Variants in CADM2 observed in about 807,000 individuals in gnomAD.
CADM2 encodes the protein cell adhesion molecule 2.
CADM2 carries 12 observed loss-of-function variants against 49.8 expected under a neutral mutation model. That is an observed-to-expected ratio of 0.24 (90% CI 0.15 to 0.39). CADM2 has a LOEUF of 0.39. Among genes scored for constraint, CADM2 ranks in the 10% least tolerant of loss-of-function variants. The pLI is 1.00. For missense variants in CADM2, 378 were observed against 492.3 expected (o/e 0.77, Z 2.20); for synonymous variants, 214 against 175.4 (o/e 1.22, Z -1.74).
At chr3:85,852,806 C>A (rs1439660766) in intron 3 of CADM2, among the ~76,000 whole-genome samples, 5 of 151,980 alleles carry the variant, frequency 3.3e-5, no homozygotes, top group Admixed American at 6.5e-5. Flanking sequence ...TACTTATTTG[C>A]TTACAGATGA....
At chr3:85,511,107 T>C (rs184204513) in intron 1 of CADM2, among the ~76,000 whole-genome samples, 46 of 152,196 alleles carry the variant, frequency 3.0e-4, no homozygotes, top group African/African-American at 1.1e-3. Context: ...CACACTTCAG[T>C]TGATGTAAAC....
At chr3:85,506,461 T>TCAA (rs2040356412) in intron 1 of CADM2, among the ~76,000 whole-genome samples, 2 of 152,250 alleles carry the variant, frequency 1.3e-5, no homozygotes, top group African/African-American at 4.8e-5. Flanking sequence ...CAATAACATG[T>TCAA]TAAAATTCAG....
intron 1 of CADM2, among the ~76,000 whole-genome samples, chr3:85,426,901 G>T (rs2036432197): frequency 6.6e-6 from 1 of 151,710 alleles, no homozygotes; most frequent in Non-Finnish European, 1.5e-5. Flanking sequence ...ATATATTTGA[G>T]ACTGAGTCTT....
At chr3:85,593,035 A>G (rs1017505165) in intron 1 of CADM2, among the ~76,000 whole-genome samples, 1 of 151,920 alleles carries the variant, frequency 6.6e-6, no homozygotes, top group African/African-American at 2.4e-5. Context: ...GTGCTTTCCC[A>G]GTGGCCAGTG....
At chr3:85,598,902 A>G (rs1021455294) in intron 1 of CADM2, among the ~76,000 whole-genome samples, 1 of 151,768 alleles carries the variant, frequency 6.6e-6, no homozygotes, top group Non-Finnish European at 1.5e-5. Flanking sequence ...AGACATATAT[A>G]TCTTTTAGTC....
intron 2 of CADM2, among the ~76,000 whole-genome samples, chr3:85,783,766 T>C (rs891452718): frequency 3.9e-5 from 6 of 152,210 alleles, no homozygotes; most frequent in Non-Finnish European, 5.9e-5. Flanking sequence ...TTATCATTAA[T>C]TAGGTCGTTT....
chr3:86,047,722 A>G (rs1202285344), intron 8 of CADM2, among the ~76,000 whole-genome samples: 3 of 152,202 alleles, frequency 2.0e-5, no homozygotes, highest in Non-Finnish European at 4.4e-5. Flanking sequence ...AGTAAAGTAG[A>G]ATATAAAGTT....
intron 1 of CADM2, among the ~76,000 whole-genome samples, chr3:85,173,338 T>A (rs2040686770): frequency 6.6e-6 from 1 of 152,174 alleles, no homozygotes; most frequent in Non-Finnish European, 1.5e-5. Context: ...AAATAATGAT[T>A]TTCATGTGAC....
intron 1 of CADM2, among the ~76,000 whole-genome samples, chr3:85,534,383 G>A (rs1195903350): frequency 1.3e-5 from 2 of 152,032 alleles, no homozygotes; most frequent in East Asian, 1.9e-4. Flanking sequence ...GCCATATTTC[G>A]AGTCCTCTAT....
intron 3 of CADM2, among the ~76,000 whole-genome samples, chr3:85,850,777 A>G (rs1461772375): frequency 6.6e-6 from 1 of 152,110 alleles, no homozygotes; most frequent in Non-Finnish European, 1.5e-5. Flanking sequence ...GGTTTATTTT[A>G]TAAGTTTAAT....
intron 1 of CADM2, among the ~76,000 whole-genome samples, chr3:85,103,072 G>C (rs533480231): frequency 6.6e-6 from 1 of 152,254 alleles, no homozygotes; most frequent in African/African-American, 2.4e-5. Context: ...CCTTGGAAAT[G>C]CTCAGGAAAA....
chr3:85,500,938 C>CA (rs1164816040), intron 1 of CADM2, among the ~76,000 whole-genome samples: 2 of 152,130 alleles, frequency 1.3e-5, no homozygotes, highest in African/African-American at 4.8e-5. Context: ...CTTAGACCAT[C>CA]AAAGCCAAAA....
At chr3:85,761,522 G>A (rs530564900) in intron 2 of CADM2, among the ~76,000 whole-genome samples, 2 of 151,622 alleles carry the variant, frequency 1.3e-5, no homozygotes, top group Non-Finnish European at 2.9e-5. Context: ...GACTACAGGC[G>A]TGTGCCACCA....
chr3:85,341,365 A>G (rs1273013053), intron 1 of CADM2, among the ~76,000 whole-genome samples: 1 of 151,934 alleles, frequency 6.6e-6, no homozygotes, highest in East Asian at 1.9e-4. Flanking sequence ...ATAATGTTTT[A>G]TTATCCAAAT....
chr3:85,296,509 G>C (rs138695079), intron 1 of CADM2, among the ~76,000 whole-genome samples: 14 of 151,900 alleles, frequency 9.2e-5, no homozygotes, highest in Non-Finnish European at 1.5e-4. Flanking sequence ...TTTATAGTCA[G>C]ATGATTAGGC....
At chr3:85,206,762 GGATA>G (rs200521564) in intron 1 of CADM2, among the ~76,000 whole-genome samples, 509 of 142,476 alleles carry the variant, frequency 3.6e-3, no homozygotes, top group African/African-American at 0.015. Context: ...ATATCTACTT[GGATA>G]ATAAACATAA....
intron 1 of CADM2, among the ~76,000 whole-genome samples, chr3:85,189,945 C>G (rs2041167361): frequency 7.5e-6 from 1 of 132,906 alleles, no homozygotes; most frequent in Non-Finnish European, 1.5e-5. Context: ...TAGCTGGTCT[C>G]CCTCATTTTT....
At chr3:85,580,606 C>G (rs907080491) in intron 1 of CADM2, among the ~76,000 whole-genome samples, 1 of 152,016 alleles carries the variant, frequency 6.6e-6, no homozygotes, top group African/African-American at 2.4e-5. Context: ...AGGGAGGGTC[C>G]TGGTATAATT....
intron 5 of CADM2, among the ~76,000 whole-genome samples, chr3:85,898,955 A>ATATATATATATATATATATATATTT (rs1475991339): frequency 2.9e-5 from 1 of 33,914 alleles, no homozygotes; most frequent in Non-Finnish European, 4.8e-5. Flanking sequence ...ATATATATAT[A>ATATATATATATATATATATATATTT]TTTTTTTTTT....
Sources: gnomAD v4.1 joint callset for allele counts (sites outside exome capture counted in the v4.1 genomes callset) on GRCh38, gnomAD v4.1.1 for gene constraint, MANE v1.5 for transcripts, NCBI Gene and HGNC (gene_info 2026-07-23, HGNC 2026-07-21) for gene names.